The following HHAT variants were observed in gnomAD, a reference collection of about 807,000 sequenced individuals.
The protein encoded by HHAT is hedgehog acyltransferase.
HHAT carries 47 observed loss-of-function variants against 70.8 expected under a neutral mutation model. The observed-to-expected ratio is 0.66, with a 90% CI of 0.53 to 0.85. The LOEUF (loss-of-function observed/expected upper bound fraction) is 0.85. HHAT is among the 40% of genes least tolerant of loss of function. The pLI is 0.00. For missense variants in HHAT, 609 were observed against 604.8 expected (o/e 1.01, Z -0.07); for synonymous variants, 228 against 247.6 (o/e 0.92, Z 0.74).
intron 9 of HHAT, among the ~76,000 whole-genome samples, chr1:210,536,196 T>C (rs1012359238): frequency 1.4e-4 from 22 of 152,224 alleles, no homozygotes; most frequent in Admixed American, 1.0e-3. Flanking sequence ...AAATAGCCTA[T>C]GTGAAAGTTC....
intron 4 of HHAT, among the ~76,000 whole-genome samples, chr1:210,392,299 G>A (rs1021640683): frequency 2.4e-4 from 37 of 152,076 alleles, no homozygotes; most frequent in African/African-American, 7.7e-4. Flanking sequence ...TACACATCAG[G>A]ACCCACATGG....
chr1:210,464,854 G>A (rs994845031), intron 8 of HHAT, among the ~76,000 whole-genome samples, 199 bp downstream of exon 8: 2 of 152,206 alleles, frequency 1.3e-5, no homozygotes, highest in African/African-American at 4.8e-5. Flanking sequence ...AGTCTGTGTA[G>A]ATAGGTGAGA....
intron 10 of HHAT, among the ~76,000 whole-genome samples, chr1:210,618,376 CT>C (rs1668176382): frequency 6.6e-6 from 1 of 152,174 alleles, no homozygotes; most frequent in Admixed American, 6.5e-5. Context: ...TTGCCATTGC[CT>C]TTTTCATCCT....
intron 11 of HHAT, among the ~76,000 whole-genome samples, chr1:210,654,395 A>T (rs1675943643): frequency 6.6e-6 from 1 of 152,182 alleles, no homozygotes; most frequent in Non-Finnish European, 1.5e-5. Flanking sequence ...ACTAAACTGT[A>T]GCTCTCCAAG....
At position 210,625,234 on chromosome 1, in the gene HHAT, G is replaced by T. The variant is rs115811569; in HGVS notation, c.1390+1564G>T. Among the ~76,000 whole-genome samples the T allele has an allele frequency of 4.9e-3, 743 of 152,294 alleles. 4 individuals are homozygous for T. The highest frequency in any genetic ancestry group is 0.017 in the African/African-American group (701 of 41,554). On this transcript the variant is annotated intron_variant, in intron 11 of 11. Transcript: ENST00000261458. ...AAGATGAGAGATAATAGGGCATTAT[G>T]GATCTAAAGATAAAGGTGGGTTACA...
intron 9 of HHAT, among the ~76,000 whole-genome samples, chr1:210,529,121 A>T (rs1310068672): frequency 6.6e-6 from 1 of 152,152 alleles, no homozygotes; most frequent in African/African-American, 2.4e-5. Flanking sequence ...CCTAGCCAAG[A>T]TAGTGAAACC....
chr1:210,435,910 G>A (rs888269433), intron 7 of HHAT, among the ~76,000 whole-genome samples: 4 of 151,700 alleles, frequency 2.6e-5, no homozygotes, highest in African/African-American at 9.7e-5. Context: ...CATTCTGTGG[G>A]ATGTCTCTTC....
chr1:210,655,616 G>A (rs1172853150), intron 11 of HHAT, among the ~76,000 whole-genome samples: 1 of 152,188 alleles, frequency 6.6e-6, no homozygotes, highest in Non-Finnish European at 1.5e-5. Context: ...GGCAACAGAG[G>A]TTCCCTCAGA....
chr1:210,670,305 C>G (rs1041808192), intron 11 of HHAT, among the ~76,000 whole-genome samples: 2 of 152,184 alleles, frequency 1.3e-5, no homozygotes, highest in Admixed American at 6.5e-5. Context: ...CTACAGGCCA[C>G]CAACAAGAGA....
At chr1:210,656,952 C>A (rs1008440091) in intron 11 of HHAT, among the ~76,000 whole-genome samples, 1 of 152,220 alleles carries the variant, frequency 6.6e-6, no homozygotes, top group Non-Finnish European at 1.5e-5. Context: ...GCTTGGATGC[C>A]TCTACCTGTG....
chr1:210,581,150 T>G, intron 9 of HHAT, among the ~76,000 whole-genome samples: 1 of 152,350 alleles, frequency 6.6e-6, no homozygotes, highest in Admixed American at 6.5e-5. Context: ...GTTCATATCC[T>G]TTTCCCACTT....
chr1:210,458,306 A>T lies in HHAT; in HGVS notation c.857-6199A>T, dbSNP rs766525592. Among the ~76,000 whole-genome samples the T allele has an allele frequency of 2.0e-5, 3 of 152,202 alleles. No individual in the cohort carries two copies. The East Asian group carries it at 5.8e-4, about 29-fold the overall frequency. On this transcript the variant is annotated intron_variant, in intron 7 of 11. Coordinates refer to ENST00000261458, the MANE Select transcript of HHAT (RefSeq NM_018194.6). ...TACATGAAAGTGCATTCATTCTTTC[A>T]TTCCATTCATTTGTTCAGCAAATAC... is the stretch of plus-strand genomic sequence containing the variant.
intron 11 of HHAT, among the ~76,000 whole-genome samples, chr1:210,640,385 G>T (rs1672750848): frequency 6.6e-6 from 1 of 152,144 alleles, no homozygotes; most frequent in East Asian, 1.9e-4. Context: ...CTTATGAAGA[G>T]AATTGTTTGG....
chr1:210,463,235 T>C (rs1255807449), intron 7 of HHAT, among the ~76,000 whole-genome samples: 1 of 151,950 alleles, frequency 6.6e-6, no homozygotes, highest in African/African-American at 2.4e-5. Flanking sequence ...TTTTAGTATA[T>C]CTACAGATAT....
At chr1:210,410,209 C>T (rs976098707) in intron 6 of HHAT, among the ~76,000 whole-genome samples, 8 of 151,730 alleles carry the variant, frequency 5.3e-5, no homozygotes, top group East Asian at 3.9e-4. Context: ...CCAGCCACCA[C>T]GCCCAGCTAA....
intron 10 of HHAT, among the ~76,000 whole-genome samples, chr1:210,607,004 A>G (rs4359079): frequency 0.81 from 123,375 of 152,154 alleles, 52,149 homozygotes; most frequent in East Asian, 0.99. Context: ...CTTTGATGCA[A>G]TTTATCTGTG....
chr1:210,501,887 C>G (rs987794393), intron 8 of HHAT, among the ~76,000 whole-genome samples: 1 of 152,072 alleles, frequency 6.6e-6, no homozygotes, highest in Non-Finnish European at 1.5e-5. Context: ...CTACCCCCAC[C>G]CTTTTTTTTT....
At chr1:210,575,481 A>G (rs1657496901) in intron 9 of HHAT, among the ~76,000 whole-genome samples, 1 of 152,134 alleles carries the variant, frequency 6.6e-6, no homozygotes, top group Non-Finnish European at 1.5e-5. Context: ...TTTATTTATA[A>G]CCCAGAATAG....
intron 8 of HHAT, among the ~76,000 whole-genome samples, chr1:210,491,378 C>A (rs978582726): frequency 7.2e-5 from 11 of 152,156 alleles, no homozygotes; most frequent in African/African-American, 2.7e-4. Flanking sequence ...TTAGGATAAA[C>A]TGCAAACTCC....
Sources: gnomAD v4.1 joint callset for allele counts (sites outside exome capture counted in the v4.1 genomes callset) on GRCh38, gnomAD v4.1.1 for gene constraint, MANE v1.5 for transcripts, NCBI Gene and HGNC (gene_info 2026-07-23, HGNC 2026-07-21) for gene names.